Variants in SLC8A2 observed in about 807,000 individuals in gnomAD.
The protein encoded by SLC8A2 is sodium/calcium exchanger 2.
In SLC8A2, 14 loss-of-function variants were observed where a neutral mutation model predicts 70.2. The ratio of observed to expected loss-of-function variants is 0.20; its 90% CI spans 0.13 to 0.31. SLC8A2 has a LOEUF of 0.31. Among genes scored for constraint, SLC8A2 ranks in the 10% least tolerant of loss-of-function variants. SLC8A2 has a pLI of 1.00. For missense variants in SLC8A2, 779 were observed against 1,320.1 expected (o/e 0.59, Z 6.35); for synonymous variants, 575 against 594.3 (o/e 0.97, Z 0.47).
At chr19:47,438,042 A>G in intron 6 of SLC8A2, 69 bp from the exon 7 acceptor site, 1 of 1,585,626 alleles carries the variant, frequency 6.3e-7, no homozygotes, top group South Asian at 1.1e-5. Context: ...CGCCTTTACT[A>G]CCTGTCCCCA....
chr19:47,437,093 C>A (rs573829055), intron 8 of SLC8A2, among the ~76,000 whole-genome samples: 7 of 152,186 alleles, frequency 4.6e-5, no homozygotes, highest in African/African-American at 1.7e-4. Context: ...CATCTACCTG[C>A]CTCTCCCTCT....
chr19:47,437,776 C>G, intron 7 of SLC8A2, 73 bp downstream of exon 7: 1 of 1,578,578 alleles, frequency 6.3e-7, no homozygotes, highest in Non-Finnish European at 8.7e-7. Flanking sequence ...CCTTGTGGCT[C>G]CCCGCTTTCC....
intron 3 of SLC8A2, among the ~76,000 whole-genome samples, chr19:47,452,431 AGAGAGAGAGAGAGAGTGTGTGTGTGTGT>A (rs1967250945): frequency 1.7e-4 from 18 of 105,572 alleles, no homozygotes; most frequent in Middle Eastern, 5.0e-3. Context: ...AGAGAGAGAG[AGAGAGAGAGAGAGAGTGTGTGTGTGTGT>A]GTGTGTGTGT....
At chr19:47,469,153 T>TGC (rs1967501757) in intron 1 of SLC8A2, among the ~76,000 whole-genome samples, 2 of 149,794 alleles carry the variant, frequency 1.3e-5, no homozygotes, top group Non-Finnish European at 1.5e-5. Context: ...TGTGTGTGTG[T>TGC]GCAGGCAAGG....
chr19:47,457,625 G>A (rs1967324058), intron 2 of SLC8A2, 31 bp from the exon 3 acceptor site: 1 of 1,449,298 alleles, frequency 6.9e-7, no homozygotes, highest in Admixed American at 2.3e-5. Flanking sequence ...GGCGAGGCCG[G>A]GCGGGCCGCC....
chr19:47,468,250 G>T lies in SLC8A2; in HGVS notation c.-16-1831C>A, dbSNP rs568528422. On this transcript the variant is annotated intron_variant, in intron 1 of 9. Coordinates refer to ENST00000236877, the MANE Select transcript of SLC8A2 (RefSeq NM_015063.3). The surrounding 1 kb of genome is among the most constrained non-coding windows in gnomAD (Gnocchi z 5.1). ...CCTCAGCCTCACCAGACAAGCTTCTGCCTTGGAGCCCTGGCACCTGCTGTT... is the reference window on the plus strand; with the variant it reads ...CCTCAGCCTCACCAGACAAGCTTCTTCCTTGGAGCCCTGGCACCTGCTGTT... Among the ~76,000 whole-genome samples the T allele has an allele frequency of 2.9e-4, 44 of 152,014 alleles. No homozygotes were observed. Among genetic ancestry groups the T allele is most frequent in the African/African-American group, 1.0e-3 (42 of 41,452 alleles).
At chr19:47,459,530 G>C (rs184959760) in intron 2 of SLC8A2, among the ~76,000 whole-genome samples, 3 of 151,744 alleles carry the variant, frequency 2.0e-5, no homozygotes, top group African/African-American at 7.3e-5. Context: ...ACGTGCGTGC[G>C]CGTGTGTGCG....
chr19:47,461,703 A>G (rs995186180), intron 2 of SLC8A2, among the ~76,000 whole-genome samples: 20 of 152,256 alleles, frequency 1.3e-4, no homozygotes, highest in African/African-American at 4.8e-4. Context: ...AAGCTGTGAA[A>G]TGAACTCTCT....
intron 1 of SLC8A2, among the ~76,000 whole-genome samples, chr19:47,467,479 G>A (rs1216021266): frequency 6.6e-6 from 1 of 152,120 alleles, no homozygotes; most frequent in Non-Finnish European, 1.5e-5. Context: ...CCCCAAGGTG[G>A]TAGCAGGCAT....
At chr19:47,446,095 G>A (rs830142) in intron 4 of SLC8A2, among the ~76,000 whole-genome samples, 6,620 of 152,282 alleles carry the variant, frequency 0.043, 175 homozygotes, top group East Asian at 0.13. Context: ...GAGAGACAGC[G>A]AGAGCAGTGA....
intron 2 of SLC8A2, among the ~76,000 whole-genome samples, chr19:47,463,673 C>G (rs1337488738): frequency 7.2e-6 from 1 of 139,736 alleles, no homozygotes; most frequent in Non-Finnish European, 1.5e-5. Flanking sequence ...GAGAAAGACT[C>G]TGTCTCAAAA....
chr19:47,446,563 G>A (rs1967165158), intron 4 of SLC8A2, among the ~76,000 whole-genome samples: 1 of 152,156 alleles, frequency 6.6e-6, no homozygotes, highest in African/African-American at 2.4e-5. Context: ...AAGTAGCTGG[G>A]ACTACAAGTG....
chr19:47,461,712 C>T (rs965163032), intron 2 of SLC8A2, among the ~76,000 whole-genome samples: 1 of 152,248 alleles, frequency 6.6e-6, no homozygotes, highest in Admixed American at 6.5e-5. Flanking sequence ...AATGAACTCT[C>T]TCCCTTGTAT....
chr19:47,434,290 G>A (rs531890616), intron 8 of SLC8A2, among the ~76,000 whole-genome samples: 1 of 152,118 alleles, frequency 6.6e-6, no homozygotes, highest in Non-Finnish European at 1.5e-5. Context: ...AGGCCCACAT[G>A]CCTAGGCTTG....
chr19:47,438,250 A>G (rs966822607), intron 6 of SLC8A2, among the ~76,000 whole-genome samples: 3 of 152,156 alleles, frequency 2.0e-5, no homozygotes, highest in Non-Finnish European at 2.9e-5. Flanking sequence ...TCTGTGCCTT[A>G]GTTTTCATAA....
At chr19:47,461,456 C>G (rs952175441) in intron 2 of SLC8A2, among the ~76,000 whole-genome samples, 1 of 152,232 alleles carries the variant, frequency 6.6e-6, no homozygotes, top group Non-Finnish European at 1.5e-5. Context: ...TTGCAGTGAG[C>G]TGAGATTACA....
At position 47,432,396 on chromosome 19, in the gene SLC8A2, C is replaced by A. The variant is rs149881406; in HGVS notation, c.2160G>T (p.Ser720=). 3.7e-6 allele frequency: 6 copies of A among 1,611,300 alleles called. No individual in the cohort carries two copies. Among genetic ancestry groups the A allele is most frequent in the Non-Finnish European group, 4.2e-6 (5 of 1,178,594 alleles). The part of the protein sequence containing the change: ...EDGSREERLP[S]CFDYVMHFLT... Reference sequence around the variant, plus strand: ...GGAAGTGCATCACGTAGTCAAAGCACGACGGCAGCCGCTCCTCCCGGGACC... The same window carrying A: ...GGAAGTGCATCACGTAGTCAAAGCAAGACGGCAGCCGCTCCTCCCGGGACC... The change falls in exon 9 of 10, where the codon TCG becomes TCT. Residue 720 remains serine, a synonymous_variant. Coordinates refer to ENST00000236877, the MANE Select transcript of SLC8A2 (RefSeq NM_015063.3). This position sits in a 1 kb window ranked among gnomAD's most constrained non-coding sequence, Gnocchi z 6.2.
chr19:47,448,222 C>G lies in SLC8A2; in HGVS notation c.1350G>C (p.Thr450=). The part of the protein sequence containing the change: ...AGSDYEYSEG[T]LVFKPGETQK... ...GCGTCTCGCCTGGTTTGAACACCAG[C>G]GTGCCCTCGCTGCGGCGGGGTGGGG... Residue 450 remains threonine (T), a synonymous_variant, in exon 4 of 10, where the codon ACG becomes ACC. Transcript: ENST00000236877. The surrounding 1 kb of genome is among the most constrained non-coding windows in gnomAD (Gnocchi z 4.8). The G allele has an allele frequency of 2.5e-6, 4 of 1,593,346 alleles. No homozygotes were observed. Among genetic ancestry groups the G allele is most frequent in the Non-Finnish European group, 3.4e-6 (4 of 1,166,198 alleles).
intron 2 of SLC8A2, among the ~76,000 whole-genome samples, chr19:47,457,809 T>TTCCTTC (rs1169130773): frequency 0.023 from 2,839 of 123,406 alleles, 41 homozygotes; most frequent in Non-Finnish European, 0.031. Context: ...TTCCTTCCTT[T>TTCCTTC]CTTCCTTCTT....
Sources: gnomAD v4.1 joint callset for allele counts (sites outside exome capture counted in the v4.1 genomes callset) on GRCh38, gnomAD v4.1.1 for gene constraint, Gnocchi (gnomAD v3.1) non-coding constraint, MANE v1.5 for transcripts, NCBI Gene and HGNC (gene_info 2026-07-23, HGNC 2026-07-21) for gene names.